Variants in CIT observed in about 807,000 individuals in gnomAD.
The protein encoded by CIT is citron rho-interacting serine/threonine kinase.
Under a neutral mutation model 272.7 loss-of-function variants are expected in CIT, and 79 were observed. The observed-to-expected ratio is 0.29, with a 90% CI of 0.24 to 0.35. The LOEUF is 0.35. Among genes scored for constraint, CIT ranks in the 10% least tolerant of loss-of-function variants. The pLI is 1.00. For missense variants in CIT, 1,909 were observed against 2,618.3 expected, an observed-to-expected ratio of 0.73 and a Z score of 5.91; for synonymous variants, 948 against 995.6, an observed-to-expected ratio of 0.95 and a Z score of 0.90.
intron 44 of CIT, 88 bp from the exon 45 acceptor site, chr12:119,698,142 C>A: frequency 8.5e-7 from 1 of 1,181,140 alleles, no homozygotes. Flanking sequence ...ATTCTTTGAC[C>A]CAGCAATCCT....
intron 9 of CIT, among the ~76,000 whole-genome samples, chr12:119,816,401 T>C (rs1967188191): frequency 6.6e-6 from 1 of 152,106 alleles, no homozygotes; most frequent in Admixed American, 6.5e-5. Flanking sequence ...CATTCACCCA[T>C]AGGAGTCCTG....
At position 119,710,221 on chromosome 12, in the gene CIT, A is replaced by G; in HGVS notation, c.5071+30T>C. 2.5e-6 allele frequency: 4 copies of G among 1,601,580 alleles called. No individual in the cohort carries two copies. The highest frequency in any genetic ancestry group is 1.7e-6 in the Non-Finnish European group (2 of 1,175,954). ...AACATATTGGCTCCCTTGAAAGTAA[A>G]GAAAAAACACCATGTCCTTGGCCTC... On this transcript the variant is annotated intron_variant, in intron 39 of 47. Transcript: ENST00000392521. This position sits in a 1 kb window ranked among gnomAD's most constrained non-coding sequence, Gnocchi z 5.6.
rs1250557462 is a variant in CIT at position 119,757,627 on chromosome 12, C to T, written c.2532-82G>A. ...CGTTTCCACGGGAGGTAGACGGACA[C>T]GGAGTTAGACATGTCTCCTCACTAA... On this transcript the variant is annotated intron_variant, in intron 21 of 47. Coordinates refer to ENST00000392521, the MANE Select transcript of CIT (RefSeq NM_001206999.2). 12 of 1,536,950 alleles carry T rather than the reference C, an allele frequency of 7.8e-6. No homozygotes were observed. In the South Asian group the frequency reaches 8.4e-5, roughly 11 times the overall value.
Position 119,776,367 on chromosome 12 carries a change from T to C in CIT, c.1878A>G (p.Lys626=). 3 of 1,613,428 alleles carry C rather than the reference T, an allele frequency of 1.9e-6. No homozygotes were observed. The highest frequency in any genetic ancestry group is 2.5e-6 in the Non-Finnish European group (3 of 1,179,436). Residue 626 remains lysine, a synonymous_variant, in exon 15 of 48, where the codon AAA becomes AAG. Transcript: ENST00000392521. ...QGKPEVGEYA[K]LEKINAEQQL... ...ATCATGGAAAGTATACCTTCTCCAG[T>C]TTCGCATATTCTCCCACTTCAGGCT...
chr12:119,774,461 GA>G (rs1482414937), intron 16 of CIT, among the ~76,000 whole-genome samples: 2 of 152,114 alleles, frequency 1.3e-5, no homozygotes, highest in African/African-American at 4.8e-5. Flanking sequence ...GAAAGGGCTT[GA>G]AAATTGCTCT....
intron 2 of CIT, 115 bp from the exon 3 acceptor site, chr12:119,869,316 T>C (rs1282323474): frequency 1.1e-6 from 1 of 951,862 alleles, no homozygotes; most frequent in East Asian, 2.6e-5. Flanking sequence ...CACGACATGC[T>C]AACAGCACAA....
At chr12:119,734,095 G>A (rs927090263) in intron 26 of CIT, 69 bp downstream of exon 26, 20 of 1,515,920 alleles carry the variant, frequency 1.3e-5, no homozygotes, top group Non-Finnish European at 1.7e-5. Flanking sequence ...TGATCACCCT[G>A]TCCACAACTC....
chr12:119,843,208 G>A, intron 5 of CIT, among the ~76,000 whole-genome samples: 1 of 152,208 alleles, frequency 6.6e-6, no homozygotes. Flanking sequence ...GAGAGAAACA[G>A]TAAGTGGCTG....
At chr12:119,709,830 GTGTGTGT>G (rs1957073593) in intron 39 of CIT, among the ~76,000 whole-genome samples, 1 of 102,610 alleles carries the variant, frequency 9.7e-6, no homozygotes, top group Non-Finnish European at 2.1e-5. Flanking sequence ...GTGTGTGTGT[GTGTGTGT>G]TAAGAAGACA....
chr12:119,710,256 A>G lies in CIT; in HGVS notation c.5066T>C (p.Ile1689Thr). The part of the protein sequence containing the change: ...IIKDLEKLLM[I>T]AGEERALCLV... ...CCATGTCCTTGGCCTCACACCTGCT[A>G]TCATGAGTAGCTTCTCCAGGTCCTT... Residue 1689 changes from isoleucine (I) to threonine (T), a missense_variant, in exon 39 of 48, where the codon ATA becomes ACA. Around this residue, in one of 8 missense-constraint regions of CIT, gnomAD observed 780 missense variants for 1,067.2 expected, o/e 0.73. Coordinates refer to ENST00000392521, the MANE Select transcript of CIT (RefSeq NM_001206999.2). The surrounding 1 kb of genome is among the most constrained non-coding windows in gnomAD (Gnocchi z 5.6). The G allele has an allele frequency of 6.2e-7, 1 of 1,614,180 alleles. No individual in the cohort carries two copies. Among genetic ancestry groups the G allele is most frequent in the Non-Finnish European group, 8.5e-7 (1 of 1,180,034 alleles).
In CIT at chr12:119,768,998, C is replaced by T. The variant is rs368325323; in HGVS notation, c.2208+1787G>A. On this transcript the variant is annotated intron_variant, in intron 18 of 47. Transcript: ENST00000392521. This position sits in a 1 kb window ranked among gnomAD's most constrained non-coding sequence, Gnocchi z 4.3. ...TGAAGTCACAACCACAAAGGTACTC[C>T]GGCGGGTGGCAAGATACACTCGGAC... 1.1e-4 allele frequency among the ~76,000 whole-genome samples: 16 copies of T among 152,184 alleles called. No homozygotes were observed. In the South Asian group the frequency reaches 2.7e-3, roughly 26 times the overall value.
In CIT at chr12:119,704,400, C is replaced by G; in HGVS notation, c.5267G>C (p.Arg1756Pro). The G allele has an allele frequency of 6.2e-7, 1 of 1,613,964 alleles. No individual in the cohort carries two copies. The highest frequency in any genetic ancestry group is 1.1e-5 in the South Asian group (1 of 91,072). The stretch of plus-strand genomic sequence containing the variant: ...GTATTTGCTGAGGTTTTCGTTGTAG[C>G]GGAGAATGACGACTTTGCTGGGCAT... ...AAMPSKVVIL[R>P]YNENLSKYCI... The change falls in exon 41 of 48, where the codon CGC becomes CCC. Residue 1756 changes from arginine to proline, a missense_variant. Transcript: ENST00000392521.
In CIT at chr12:119,710,121, A is replaced by G. The variant is rs1421669175; in HGVS notation, c.5071+130T>C. 4 of 1,008,464 alleles carry G rather than the reference A, an allele frequency of 4.0e-6. No individual in the cohort carries two copies. In the African/African-American group the frequency reaches 4.8e-5, roughly 12 times the overall value. The allele number at this position is 1,008,464 out of a possible 1,614,324, so 62.5% of individuals were successfully genotyped here. ...TCCATTAGCTGAGGCTTGGGCATCT[A>G]TGGGGACACAGAGATAAGAGCTACA... On this transcript the variant is annotated intron_variant, in intron 39 of 47. Coordinates refer to ENST00000392521, the MANE Select transcript of CIT (RefSeq NM_001206999.2). This position sits in a 1 kb window ranked among gnomAD's most constrained non-coding sequence, Gnocchi z 5.6.
At chr12:119,729,518 C>T (rs1958313588) in intron 27 of CIT, among the ~76,000 whole-genome samples, 1 of 151,922 alleles carries the variant, frequency 6.6e-6, no homozygotes, top group African/African-American at 2.4e-5. Context: ...ATATTCAACT[C>T]AGAAAAAACC....
chr12:119,839,125 G>C (rs1332321272), intron 5 of CIT, among the ~76,000 whole-genome samples: 1 of 152,216 alleles, frequency 6.6e-6, no homozygotes, highest in Non-Finnish European at 1.5e-5. Flanking sequence ...GTTCAGTTTG[G>C]AAGTAGCGGC....
At chr12:119,815,481 C>A (rs530252095) in intron 9 of CIT, among the ~76,000 whole-genome samples, 5 of 152,132 alleles carry the variant, frequency 3.3e-5, no homozygotes, top group African/African-American at 7.2e-5. Context: ...CCGAGGTGGG[C>A]GGATTACCTG....
At position 119,712,411 on chromosome 12, in the gene CIT, G is replaced by A; in HGVS notation, c.4685-64C>T. 1 of 1,523,818 alleles carries A rather than the reference G, an allele frequency of 6.6e-7. No homozygotes were observed. Among genetic ancestry groups the A allele is most frequent in the Non-Finnish European group, 8.9e-7 (1 of 1,121,898 alleles). The allele number at this position is 1,523,818 out of a possible 1,614,324, so 94.4% of individuals were successfully genotyped here. On this transcript the variant is annotated intron_variant, in intron 36 of 47. Coordinates refer to ENST00000392521, the MANE Select transcript of CIT (RefSeq NM_001206999.2). The surrounding 1 kb of genome is among the most constrained non-coding windows in gnomAD (Gnocchi z 5.2). Reference sequence around the variant, plus strand: ...TCCCCCGTTCCCACTGGGAGGGACGGGCCTGAGAGATCAAAGATGCCCACC... The same window carrying A: ...TCCCCCGTTCCCACTGGGAGGGACGAGCCTGAGAGATCAAAGATGCCCACC...
intron 24 of CIT, among the ~76,000 whole-genome samples, chr12:119,739,395 T>C (rs1013814660): frequency 2.0e-5 from 3 of 152,148 alleles, no homozygotes; most frequent in Non-Finnish European, 4.4e-5. Context: ...TGAGTTATTA[T>C]GGGAGTTGTG....
intron 43 of CIT, among the ~76,000 whole-genome samples, chr12:119,701,354 G>A (rs1192548249): frequency 6.6e-6 from 1 of 152,138 alleles, no homozygotes; most frequent in African/African-American, 2.4e-5. Flanking sequence ...GACAGAGTAA[G>A]AGAAAGGAAA....
Sources: gnomAD v4.1 joint callset for allele counts (sites outside exome capture counted in the v4.1 genomes callset) on GRCh38, gnomAD v4.1.1 for gene constraint, gnomAD v4.1.1 regional missense constraint, Gnocchi (gnomAD v3.1) non-coding constraint, MANE v1.5 for transcripts, NCBI Gene and HGNC (gene_info 2026-07-23, HGNC 2026-07-21) for gene names.